The following MFNG variants were observed in gnomAD, a reference collection of about 807,000 sequenced individuals.
MFNG encodes beta-1,3-N-acetylglucosaminyltransferase manic fringe.
MFNG carries 24 observed loss-of-function variants against 34.2 expected under a neutral mutation model. The ratio of observed to expected loss-of-function variants is 0.70; its 90% CI spans 0.51 to 0.99. The LOEUF (loss-of-function observed/expected upper bound fraction) is 0.99, where lower values mean the gene tolerates loss of function less well. Among genes scored for constraint, MFNG ranks in the 50% least tolerant of loss-of-function variants. MFNG has a pLI of 0.00. For missense variants in MFNG, 383 were observed against 424.0 expected (o/e 0.90, Z 0.85); for synonymous variants, 158 against 179.2 (o/e 0.88, Z 0.94).
intron 7 of MFNG, among the ~76,000 whole-genome samples, chr22:37,471,755 C>T (rs1283651489): frequency 7.5e-6 from 1 of 132,980 alleles, no homozygotes; most frequent in African/African-American, 2.9e-5. Context: ...TGTTTGAACC[C>T]GGGGGGCGGA....
intron 7 of MFNG, 141 bp from the exon 8 acceptor site, chr22:37,470,170 A>C: frequency 4.7e-6 from 3 of 639,726 alleles, no homozygotes; most frequent in Non-Finnish European, 8.4e-6. Flanking sequence ...GGGCCAGAGA[A>C]TTCTTTGTTG....
rs920084796 is a variant in MFNG, at chr22:37,471,093, C to T, written c.900-1064G>A. Among the ~76,000 whole-genome samples the T allele has an allele frequency of 2.0e-5, 3 of 152,312 alleles. No individual in the cohort carries two copies. The East Asian group carries it at 5.8e-4, about 29-fold the overall frequency. ...ATAACAACCTATACTGGCATACTCA[C>T]CCTCATCCCCTACACACACAGTGTC... On this transcript the variant is annotated intron_variant, in intron 7 of 7. Coordinates refer to ENST00000356998, the MANE Select transcript of MFNG (RefSeq NM_002405.4).
rs955282396 is a variant in MFNG at position 37,480,874 on chromosome 22, C to T, written c.256-105G>A. 9 of 919,894 alleles carry T rather than the reference C, an allele frequency of 9.8e-6. 1 individual carries two copies. The South Asian group carries it at 1.3e-4, about 13-fold the overall frequency. The allele number at this position is 919,894 out of a possible 1,614,324, so 57.0% of individuals were successfully genotyped here. A position where few individuals can be genotyped will look rare whatever the true frequency, so the allele number is the denominator to read the frequency against. ...GCCCCAGATGGACTCTGTACTCCTCCAGTGACAGACACACCCCTCTCATGG... is the reference window on the plus strand; with the variant it reads ...GCCCCAGATGGACTCTGTACTCCTCTAGTGACAGACACACCCCTCTCATGG... On this transcript the variant is annotated intron_variant, in intron 1 of 7. Coordinates refer to ENST00000356998, the MANE Select transcript of MFNG (RefSeq NM_002405.4).
intron 6 of MFNG, among the ~76,000 whole-genome samples, chr22:37,473,761 G>A (rs1921914300): frequency 6.6e-6 from 1 of 152,250 alleles, no homozygotes; most frequent in Admixed American, 6.5e-5. Flanking sequence ...CATGAGGGCT[G>A]AGCCCACCTG....
intron 7 of MFNG, among the ~76,000 whole-genome samples, chr22:37,471,690 G>C (rs1436294789): frequency 2.0e-5 from 3 of 152,092 alleles, no homozygotes; most frequent in Non-Finnish European, 4.4e-5. Flanking sequence ...AATTAGCCAG[G>C]CATGGTGGCA....
intron 4 of MFNG, 49 bp downstream of exon 4, chr22:37,479,296 C>A: frequency 6.6e-7 from 1 of 1,508,860 alleles, no homozygotes. Context: ...ACCGGCCCGG[C>A]CCTTGGGATC....
Position 37,469,352 on chromosome 22 carries a change from ACCCGTTATGCTCCATCATCTGGGC to A in MFNG, c.*587_*610del, listed in dbSNP as rs1921702908. 1 of 175,860 alleles carries A rather than the reference ACCCGTTATGCTCCATCATCTGGGC, an allele frequency of 5.7e-6. No individual in the cohort carries two copies. The highest frequency in any genetic ancestry group is 1.2e-5 in the Non-Finnish European group (1 of 81,744). 10.9% of individuals were successfully genotyped at this position (175,860 alleles called of 1,614,324 possible). On this transcript the variant is annotated 3_prime_UTR_variant, in exon 8 of 8. Coordinates refer to ENST00000356998, the MANE Select transcript of MFNG (RefSeq NM_002405.4). Reference sequence around the variant, plus strand: ...AAAAGGATCATCACAATTGGCTGGGACCCGTTATGCTCCATCATCTGGGCCCCGGCATGCTGAGGCTCCAAACAA... The same window carrying A: ...AAAAGGATCATCACAATTGGCTGGGACCCGGCATGCTGAGGCTCCAAACAA...
intron 7 of MFNG, among the ~76,000 whole-genome samples, chr22:37,471,773 G>A (rs1440830263): frequency 2.1e-5 from 3 of 144,814 alleles, no homozygotes; most frequent in Non-Finnish European, 4.5e-5. Flanking sequence ...GGAGGTTGCA[G>A]TGAGTCGAGA....
At chr22:37,481,469 C>G (rs1198940512) in intron 1 of MFNG, 1 of 152,396 alleles carries the variant, frequency 6.6e-6, no homozygotes, top group African/African-American at 2.4e-5. Flanking sequence ...CTCCCCACCG[C>G]CTCCCAGGCA....
intron 6 of MFNG, 133 bp from the exon 7 acceptor site, chr22:37,472,661 G>T (rs1921864339): frequency 2.4e-6 from 2 of 824,868 alleles, no homozygotes; most frequent in Admixed American, 3.1e-5. Context: ...TTCCCCGCTG[G>T]TGGTGGGAGC....
chr22:37,482,189 G>A lies in MFNG; in HGVS notation c.256-1420C>T, dbSNP rs1208848077. Among the ~76,000 whole-genome samples, 2 of 152,102 alleles carry A rather than the reference G, an allele frequency of 1.3e-5. No homozygotes were observed. Among genetic ancestry groups the A allele is most frequent in the Admixed American group, 1.3e-4 (2 of 15,274 alleles). ...TCTGAGCCACTATCACCTCTCACTG[G>A]ACTACTGCAAGACTCTGCCTCATTC... On this transcript the variant is annotated intron_variant, in intron 1 of 7. Transcript: ENST00000356998. This position sits in a 1 kb window ranked among gnomAD's most constrained non-coding sequence, Gnocchi z 4.1.
chr22:37,476,136 G>A (rs866286789), intron 5 of MFNG, among the ~76,000 whole-genome samples: 26 of 152,082 alleles, frequency 1.7e-4, no homozygotes, highest in Non-Finnish European at 3.5e-4. Context: ...GCACAGAGCT[G>A]GCTCAGAGTC....
At chr22:37,472,557 G>A (rs2145726338) in intron 6 of MFNG, 29 bp from the exon 7 acceptor site, 1 of 1,552,398 alleles carries the variant, frequency 6.4e-7, no homozygotes, top group East Asian at 2.5e-5. Flanking sequence ...GAGTGTTGGG[G>A]CATCACACTG....
chr22:37,476,838 T>C, intron 5 of MFNG, 58 bp downstream of exon 5: 1 of 1,415,896 alleles, frequency 7.1e-7, no homozygotes, highest in Non-Finnish European at 9.9e-7. Context: ...AGGCCCCTCC[T>C]GTACCCCAGC....
chr22:37,485,086 G>T lies in MFNG; in HGVS notation c.255+837C>A, dbSNP rs1235309128. Among the ~76,000 whole-genome samples, 2 of 152,176 alleles carry T rather than the reference G, an allele frequency of 1.3e-5. No homozygotes were observed. Among genetic ancestry groups the T allele is most frequent in the Non-Finnish European group, 2.9e-5 (2 of 68,022 alleles). On this transcript the variant is annotated intron_variant, in intron 1 of 7. Transcript: ENST00000356998. This position sits in a 1 kb window ranked among gnomAD's most constrained non-coding sequence, Gnocchi z 5.3. ...AAGATACTGGATGCGAGGAGGGAAA[G>T]GGCTGGAAGGGACTTGGCTCGCCGG...
At chr22:37,480,955 A>C in intron 1 of MFNG, 186 bp from the exon 2 acceptor site, 1 of 616,478 alleles carries the variant, frequency 1.6e-6, no homozygotes, top group Non-Finnish European at 2.9e-6. Context: ...TTGTAGACAC[A>C]CAACTTCAGG....
At chr22:37,471,108 C>A (rs891191838) in intron 7 of MFNG, among the ~76,000 whole-genome samples, 1 of 152,186 alleles carries the variant, frequency 6.6e-6, no homozygotes, top group African/African-American at 2.4e-5. Flanking sequence ...ATCCCCTACA[C>A]ACACAGTGTC....
chr22:37,472,564 AC>A (rs768740137), intron 6 of MFNG, 36 bp from the exon 7 acceptor site: 1 of 1,537,926 alleles, frequency 6.5e-7, no homozygotes, highest in South Asian at 1.2e-5. Context: ...GGGGCATCAC[AC>A]TGGGGATCCC....
At chr22:37,470,838 C>T (rs763379507) in intron 7 of MFNG, among the ~76,000 whole-genome samples, 2 of 152,212 alleles carry the variant, frequency 1.3e-5, no homozygotes, top group African/African-American at 4.8e-5. Flanking sequence ...CTCCTCTTCT[C>T]CACATTCCAG....
Sources: gnomAD v4.1 joint callset for allele counts (sites outside exome capture counted in the v4.1 genomes callset) on GRCh38, gnomAD v4.1.1 for gene constraint, Gnocchi (gnomAD v3.1) non-coding constraint, MANE v1.5 for transcripts, NCBI Gene and HGNC (gene_info 2026-07-23, HGNC 2026-07-21) for gene names.